The following UBFD1 variants were observed in gnomAD, a reference collection of about 807,000 sequenced individuals.
The protein encoded by UBFD1 is ubiquitin domain-containing protein UBFD1.
Under a neutral mutation model 35.1 loss-of-function variants are expected in UBFD1, and 12 were observed. That is an observed-to-expected ratio of 0.34 (90% confidence interval 0.22 to 0.55). The LOEUF (loss-of-function observed/expected upper bound fraction) is 0.55. Among genes scored for constraint, UBFD1 ranks in the 20% least tolerant of loss-of-function variants. The pLI is 0.89. For missense variants in UBFD1, 337 were observed against 410.8 expected, an observed-to-expected ratio of 0.82 and a Z score of 1.55; for synonymous variants, 178 against 167.6, an observed-to-expected ratio of 1.06 and a Z score of -0.48.
At position 23,558,030 on chromosome 16, in the gene UBFD1, G is replaced by T; in HGVS notation, c.106G>T (p.Ala36Ser). 1 of 1,352,128 alleles carries T rather than the reference G, an allele frequency of 7.4e-7. No homozygotes were observed. Among genetic ancestry groups the T allele is most frequent in the Non-Finnish European group, 9.5e-7 (1 of 1,056,406 alleles). The allele number at this position is 1,352,128 out of a possible 1,614,324, so 83.8% of individuals were successfully genotyped here. ...CGCGCGGCCCGTCAACTGCCTGGAG[G>T]CTGAAGCCGCGGCGGGGGCGGCGGC... ...APARPVNCLE[A>S]EAAAGAAAED... The change falls in exon 2 of 7, where the codon GCT (alanine) becomes TCT (serine). Residue 36 changes from alanine to serine, a missense_variant. Physicochemically the swap from Ala to Ser is moderately conservative, Grantham distance 99 (BLOSUM62 1). Coordinates refer to ENST00000395878, the MANE Select transcript of UBFD1 (RefSeq NM_019116.3).
chr16:23,558,260 G>C lies in UBFD1; in HGVS notation c.336G>C (p.Gln112His). Residue 112 changes from glutamine to histidine, a missense_variant, in exon 2 of 7, where the codon CAG becomes CAC. Coordinates refer to ENST00000395878, the MANE Select transcript of UBFD1 (RefSeq NM_019116.3). ...PLDSTGSELK[Q>H]KIHSITGLPP... ...ACAGCACAGGCTCCGAGCTGAAACA[G>C]AAGATCCACTCGATTACAGGTAATT... 1 of 1,604,854 alleles carries C rather than the reference G, an allele frequency of 6.2e-7. No individual in the cohort carries two copies. Among genetic ancestry groups the C allele is most frequent in the Non-Finnish European group, 8.5e-7 (1 of 1,175,938 alleles).
chr16:23,570,482 G>A lies in UBFD1; in HGVS notation c.822G>A (p.Ala274=), dbSNP rs2234434. ...TGGTTTTCCTTTTTCCCTTCCAGGC[G>A]TTTCAGTTGGGCCCCACGGAAGCCT... ...IEGHEDYHMM[A]FQLGPTEASY... Residue 274 remains alanine, a splice_region_variant and synonymous_variant, in exon 7 of 7, where the codon GCG becomes GCA. Coordinates refer to ENST00000395878, the MANE Select transcript of UBFD1 (RefSeq NM_019116.3). The A allele has an allele frequency of 1.3e-4, 217 of 1,613,288 alleles. No individual in the cohort carries two copies. Among genetic ancestry groups the A allele is most frequent in the African/African-American group, 1.1e-3 (85 of 74,842 alleles).
rs1965904633 is a variant in UBFD1 at position 23,559,907 on chromosome 16, C to G, written c.564+231C>G. The G allele has an allele frequency of 7.9e-6, 12 of 1,511,046 alleles. No individual in the cohort carries two copies. The South Asian group carries it at 1.1e-4, about 14-fold the overall frequency. The allele number at this position is 1,511,046 out of a possible 1,614,324, so 93.6% of individuals were successfully genotyped here. A position where few individuals can be genotyped will look rare whatever the true frequency, so the allele number is the denominator to read the frequency against. On this transcript the variant is annotated intron_variant, in intron 3 of 6. Transcript: ENST00000395878. Reference sequence around the variant, plus strand: ...AAGTCTACCTACTTTAGGATAAGACCTTGGTAAAGGGAGGCTTCAGACCAT... The same window carrying G: ...AAGTCTACCTACTTTAGGATAAGACGTTGGTAAAGGGAGGCTTCAGACCAT...
rs766204017 is a variant in UBFD1, at chr16:23,571,001, A to G, written c.*411A>G. On this transcript the variant is annotated 3_prime_UTR_variant, in exon 7 of 7. Transcript: ENST00000395878. ...AATATTTTCATACATCTTTGGTTGC[A>G]AACATTTGGACTGCATTGCAATGAG... The G allele has an allele frequency of 6.6e-6, 1 of 152,530 alleles. No homozygotes were observed. The highest frequency in any genetic ancestry group is 1.5e-5 in the Non-Finnish European group (1 of 68,650). The allele number at this position is 152,530 out of a possible 1,614,324, so 9.4% of individuals were successfully genotyped here.
At chr16:23,559,805 A>T in intron 3 of UBFD1, 129 bp downstream of exon 3, 1 of 1,547,536 alleles carries the variant, frequency 6.5e-7, no homozygotes, top group Non-Finnish European at 8.7e-7. Flanking sequence ...TTATGGCAGC[A>T]GTTGGGTGCC....
rs1966077644 is a variant in UBFD1 at position 23,571,094 on chromosome 16, C to T, written c.*504C>T. 6.6e-6 allele frequency: 1 copy of T among 152,340 alleles called. No homozygotes were observed. Among genetic ancestry groups the T allele is most frequent in the African/African-American group, 2.4e-5 (1 of 41,358 alleles). The allele number at this position is 152,340 out of a possible 1,614,324, so 9.4% of individuals were successfully genotyped here. A position where few individuals can be genotyped will look rare whatever the true frequency, so the allele number is the denominator to read the frequency against. ...AAAATGGGGGTGGGTTAGTAAGCCA[C>T]ATATTTCTGTCCATTGATTCAGATT... On this transcript the variant is annotated 3_prime_UTR_variant, in exon 7 of 7. Transcript: ENST00000395878.
At chr16:23,562,335 C>T in intron 4 of UBFD1, 64 bp downstream of exon 4, 2 of 1,445,152 alleles carry the variant, frequency 1.4e-6, no homozygotes, top group Non-Finnish European at 1.9e-6. Flanking sequence ...ACTTGAGGTT[C>T]CTCCAATCCT....
intron 5 of UBFD1, 131 bp from the exon 6 acceptor site, chr16:23,566,856 G>T: frequency 1.2e-6 from 1 of 813,058 alleles, no homozygotes; most frequent in Non-Finnish European, 2.0e-6. Context: ...GTTGTCCCCA[G>T]AGGGCATGGC....
rs1455306212 is a variant in UBFD1, at chr16:23,571,555, A to G, written c.*965A>G. On this transcript the variant is annotated 3_prime_UTR_variant, in exon 7 of 7. Coordinates refer to ENST00000395878, the MANE Select transcript of UBFD1 (RefSeq NM_019116.3). ...GAGGAGCCAGGTAGAAGATAGTTAT[A>G]CAGCCATATAGCTGCAGATCCAGAT... 6.6e-6 allele frequency: 1 copy of G among 152,528 alleles called. No homozygotes were observed. The highest frequency in any genetic ancestry group is 1.5e-5 in the Non-Finnish European group (1 of 68,060). The allele number at this position is 152,528 out of a possible 1,614,324, so 9.4% of individuals were successfully genotyped here. A position where few individuals can be genotyped will look rare whatever the true frequency, so the allele number is the denominator to read the frequency against.
intron 2 of UBFD1, chr16:23,559,007 C>G (rs2142208945): frequency 6.5e-6 from 1 of 152,922 alleles, no homozygotes; most frequent in South Asian, 2.0e-4. Context: ...CAGGCATAAG[C>G]CATCACTCCT....
intron 6 of UBFD1, chr16:23,568,611 G>C (rs1966043135): frequency 6.6e-6 from 1 of 151,446 alleles, no homozygotes; most frequent in African/African-American, 2.4e-5. Context: ...ATGAGGTCAG[G>C]AGTTTGAGAC....
At position 23,572,832 on chromosome 16, in the gene UBFD1, T is replaced by TTTTCGTACG. The variant is rs1966104237; in HGVS notation, c.*2242_*2243insTTTCGTACG. 6.6e-6 allele frequency: 1 copy of TTTTCGTACG among 152,350 alleles called. No homozygotes were observed. Among genetic ancestry groups the TTTTCGTACG allele is most frequent in the Non-Finnish European group, 1.5e-5 (1 of 68,044 alleles). 9.4% of individuals were successfully genotyped at this position (152,350 alleles called of 1,614,324 possible). A position where few individuals can be genotyped will look rare whatever the true frequency, so the allele number is the denominator to read the frequency against. On this transcript the variant is annotated 3_prime_UTR_variant, in exon 7 of 7. Coordinates refer to ENST00000395878, the MANE Select transcript of UBFD1 (RefSeq NM_019116.3). ...TGACACCTTTTCGTACGGAGCTGTTTGAGTATTGCTTTACAGAGCTCACTA... is the reference window on the plus strand; with the variant it reads ...TGACACCTTTTCGTACGGAGCTGTTTTTTCGTACGGAGTATTGCTTTACAGAGCTCACTA...
intron 2 of UBFD1, 175 bp from the exon 3 acceptor site, chr16:23,559,293 T>A: frequency 1.7e-6 from 1 of 589,314 alleles, no homozygotes; most frequent in Non-Finnish European, 3.0e-6. Context: ...CTCTAATAAA[T>A]CTTCTACAGT....
At position 23,557,763 on chromosome 16, in the gene UBFD1, G is replaced by A. The variant is rs971307835; in HGVS notation, c.21G>A (p.Pro7=). The change falls in exon 1 of 7, where the codon CCG becomes CCA. Residue 7 remains proline, a synonymous_variant. Coordinates refer to ENST00000395878, the MANE Select transcript of UBFD1 (RefSeq NM_019116.3). The part of the protein sequence containing the change: MAAAGA[P]DGMEEPGMDT... ...TCATCATGGCGGCGGCCGGGGCCCC[G>A]GATGGTGAGTGCGGCGGGGGTGGCG... The A allele has an allele frequency of 6.9e-6, 9 of 1,299,226 alleles. No homozygotes were observed. Among genetic ancestry groups the A allele is most frequent in the African/African-American group, 1.5e-5 (1 of 64,890 alleles). The allele number at this position is 1,299,226 out of a possible 1,614,324, so 80.5% of individuals were successfully genotyped here.
At chr16:23,560,127 C>CCTGA (rs1435894063) in intron 3 of UBFD1, among the ~76,000 whole-genome samples, 1 of 152,102 alleles carries the variant, frequency 6.6e-6, no homozygotes. Context: ...CTGACCGTTT[C>CCTGA]AGGAAGCTAA....
rs564043720 is a variant in UBFD1 at position 23,558,424 on chromosome 16, C to G, written c.355+145C>G. On this transcript the variant is annotated intron_variant, in intron 2 of 6. Transcript: ENST00000395878. ...CTGAAGGATACTTGGATGCCCATTA[C>G]TCAGCTGGGGAAAGAGACTCAAGTT... is the stretch of plus-strand genomic sequence containing the variant. The G allele has an allele frequency of 3.8e-6, 4 of 1,065,076 alleles. No individual in the cohort carries two copies. In the African/African-American group the frequency reaches 5.1e-5, roughly 14 times the overall value. The allele number at this position is 1,065,076 out of a possible 1,614,324, so 66.0% of individuals were successfully genotyped here. A position where few individuals can be genotyped will look rare whatever the true frequency, so the allele number is the denominator to read the frequency against.
At chr16:23,558,387 TA>T in intron 2 of UBFD1, 108 bp downstream of exon 2, 1 of 1,360,962 alleles carries the variant, frequency 7.3e-7, no homozygotes, top group Non-Finnish European at 9.9e-7. Flanking sequence ...CCCCCATCCT[TA>T]CAGCAGTCTT....
At chr16:23,566,445 C>G (rs1355312115) in intron 5 of UBFD1, 2 of 152,322 alleles carry the variant, frequency 1.3e-5, no homozygotes, top group African/African-American at 4.8e-5. Flanking sequence ...ACTGCAACTT[C>G]TGCCCCCCGG....
intron 4 of UBFD1, 83 bp downstream of exon 4, chr16:23,562,354 T>G: frequency 7.7e-7 from 1 of 1,299,010 alleles, no homozygotes; most frequent in Non-Finnish European, 1.1e-6. Context: ...CTGTCCCTTC[T>G]CTTTTTTCCC....
Sources: allele counts gnomAD v4.1 joint callset (sites outside exome capture counted in the v4.1 genomes callset), GRCh38; gene constraint gnomAD v4.1.1; transcripts MANE v1.5; gene names NCBI Gene and HGNC (gene_info 2026-07-23, HGNC 2026-07-21).